RFPL1: variants seen among roughly 807,000 people sequenced by gnomAD.
RFPL1 encodes ret finger protein like 1.
Under a neutral mutation model 9.6 loss-of-function variants are expected in RFPL1, and 6 were observed. The observed-to-expected ratio is 0.62, with a 90% CI of 0.34 to 1.23. RFPL1 has a LOEUF of 1.23. Among genes scored for constraint, RFPL1 ranks in the 50% most tolerant of loss-of-function variants. The pLI is 0.03. For synonymous variants in RFPL1, 145 were observed against 149.4 expected, an observed-to-expected ratio of 0.97 and a Z score of 0.22; for missense variants, 352 against 398.4, an observed-to-expected ratio of 0.88 and a Z score of 0.99.
At chr22:29,397,887 G>T in the RFPL1 span, among the ~76,000 whole-genome samples, 2 of 152,336 alleles carry the variant, frequency 1.3e-5, no homozygotes, top group East Asian at 3.9e-4. Flanking sequence ...TTCCCAGGGG[G>T]CTCTGAGGCC....
chr22:29,403,742 T>C, the RFPL1 span, among the ~76,000 whole-genome samples: 18 of 152,342 alleles, frequency 1.2e-4, no homozygotes, highest in African/African-American at 4.3e-4. Context: ...CTGCAGTGTC[T>C]CTCCTATTAA....
the RFPL1 span, among the ~76,000 whole-genome samples, chr22:29,402,012 C>T: frequency 1.3e-5 from 2 of 152,122 alleles, no homozygotes; most frequent in Non-Finnish European, 2.9e-5. Flanking sequence ...GAAGGGGAGG[C>T]ATTTTAAAAT....
chr22:29,418,795 G>A, the RFPL1 span, among the ~76,000 whole-genome samples: 12 of 152,230 alleles, frequency 7.9e-5, no homozygotes, highest in East Asian at 2.1e-3. Flanking sequence ...ACTGCGCCTG[G>A]CCCAGATTTC....
At chr22:29,407,240 C>T in the RFPL1 span, among the ~76,000 whole-genome samples, 7 of 151,434 alleles carry the variant, frequency 4.6e-5, no homozygotes, top group East Asian at 1.9e-4. Flanking sequence ...CCATAAGGCA[C>T]GTGCCACTAT....
At chr22:29,437,837 G>T (rs1357371097), upstream of RFPL1, 7 of 1,128,820 alleles carry the variant, frequency 6.2e-6, no homozygotes, top group Non-Finnish European at 8.6e-6. Context: ...ATTCAACAAA[G>T]GCTGTCTGAG....
At chr22:29,427,514 T>A in the RFPL1 span, among the ~76,000 whole-genome samples, 2 of 152,242 alleles carry the variant, frequency 1.3e-5, no homozygotes, top group African/African-American at 4.8e-5. Flanking sequence ...ATGCCCATTC[T>A]GTGCTGGGGA....
At chr22:29,421,870 G>A in the RFPL1 span, among the ~76,000 whole-genome samples, 215 of 152,184 alleles carry the variant, frequency 1.4e-3, 1 homozygote, top group African/African-American at 4.8e-3. Context: ...AGCAACACCA[G>A]GTCAGAGGCT....
the RFPL1 span, among the ~76,000 whole-genome samples, chr22:29,428,497 C>T: frequency 2.0e-5 from 3 of 152,188 alleles, no homozygotes; most frequent in African/African-American, 7.2e-5. Context: ...ATTGAAGCTG[C>T]ATTATAGGCT....
the RFPL1 span, among the ~76,000 whole-genome samples, chr22:29,410,315 G>GAT: frequency 1.2e-5 from 1 of 82,876 alleles, no homozygotes; most frequent in Non-Finnish European, 2.1e-5. Context: ...TCTATATATA[G>GAT]ATATATATAT....
the RFPL1 span, among the ~76,000 whole-genome samples, chr22:29,431,232 A>T: frequency 6.6e-6 from 1 of 152,330 alleles, no homozygotes; most frequent in Admixed American, 6.5e-5. Flanking sequence ...CAGGTATTAG[A>T]GAGCAAGGGC....
At chr22:29,405,544 A>G in the RFPL1 span, among the ~76,000 whole-genome samples, 2 of 152,212 alleles carry the variant, frequency 1.3e-5, no homozygotes, top group Non-Finnish European at 2.9e-5. Context: ...GGCATCAACC[A>G]TCCCAAAGAA....
chr22:29,414,027 A>AG, the RFPL1 span, among the ~76,000 whole-genome samples: 3 of 152,366 alleles, frequency 2.0e-5, no homozygotes, highest in East Asian at 5.8e-4. Flanking sequence ...TTTTACATTC[A>AG]GGAGGACTAA....
chr22:29,418,272 C>T, the RFPL1 span, among the ~76,000 whole-genome samples: 18 of 152,064 alleles, frequency 1.2e-4, no homozygotes, highest in East Asian at 5.8e-4. Flanking sequence ...GGTCACTGGG[C>T]GCTCCCACAG....
chr22:29,424,875 C>A, the RFPL1 span, among the ~76,000 whole-genome samples: 9 of 139,410 alleles, frequency 6.5e-5, no homozygotes, highest in East Asian at 2.1e-3. Context: ...TACAGCCTTC[C>A]AATCCTATCT....
the RFPL1 span, among the ~76,000 whole-genome samples, chr22:29,417,928 A>ACCTTGAATG: frequency 6.8e-6 from 1 of 146,758 alleles, no homozygotes; most frequent in African/African-American, 2.5e-5. Flanking sequence ...GGGAAGGCAG[A>ACCTTGAATG]CCTTGAATGG....
At chr22:29,417,935 A>G in the RFPL1 span, among the ~76,000 whole-genome samples, 1 of 144,330 alleles carries the variant, frequency 6.9e-6, no homozygotes, top group Non-Finnish European at 1.5e-5. Context: ...CAGACCTTGA[A>G]TGGTTTTTTT....
At chr22:29,426,044 CG>C in the RFPL1 span, among the ~76,000 whole-genome samples, 1 of 150,524 alleles carries the variant, frequency 6.6e-6, no homozygotes, top group Non-Finnish European at 1.5e-5. Flanking sequence ...TATTTGAGGC[CG>C]GGTGCGGTGG....
chr22:29,393,297 AC>A, the RFPL1 span, among the ~76,000 whole-genome samples: 1 of 152,174 alleles, frequency 6.6e-6, no homozygotes, highest in African/African-American at 2.4e-5. Flanking sequence ...TAAGGAAAAG[AC>A]CAGTGGGTAG....
At chr22:29,441,934 G>A (rs2062842268) in exon 2 of RFPL1, 10 of 1,613,442 alleles carry the variant, frequency 6.2e-6, no homozygotes, top group African/African-American at 1.3e-5. Context: ...CATGCAGAAC[G>A]TTTCCTTTTT....
Sources: gnomAD v4.1 joint callset for allele counts (sites outside exome capture counted in the v4.1 genomes callset) on GRCh38, gnomAD v4.1.1 for gene constraint, MANE v1.5 for transcripts, NCBI Gene and HGNC (gene_info 2026-07-23, HGNC 2026-07-21) for gene names.